SPATC1L: variants seen among roughly 807,000 people sequenced by gnomAD.
The protein encoded by SPATC1L is speriolin-like protein.
A neutral mutation model predicts 21.2 loss-of-function variants in SPATC1L; 20 were observed. The observed-to-expected ratio is 0.94, with a 90% CI of 0.66 to 1.37. The LOEUF (loss-of-function observed/expected upper bound fraction) is 1.37, where lower values mean the gene tolerates loss of function less well. Among genes scored for constraint, SPATC1L ranks in the 40% most tolerant of loss-of-function variants. The pLI is 0.00. For synonymous variants in SPATC1L, 290 were observed against 234.5 expected (o/e 1.24, Z -2.16); for missense variants, 499 against 478.7 (o/e 1.04, Z -0.40).
Position 46,161,420 on chromosome 21 carries a change from C to T in SPATC1L, c.982G>A (p.Glu328Lys), listed in dbSNP as rs768869313. Residue 328 changes from glutamate (E) to lysine (K), a missense_variant, in exon 5 of 5, where the codon GAG becomes AAG. Glu to Lys is a moderately conservative substitution (Grantham distance 56, BLOSUM62 1). Transcript: ENST00000291672. ...DSLLLLNCLC[E>K]LSKEDGKPLF... ...GGCTTGCCGTCCTCCTTGGAGAGCTCGCACAGGCAGTTGAGCAGCAGCAGC... is the reference window on the plus strand; with the variant it reads ...GGCTTGCCGTCCTCCTTGGAGAGCTTGCACAGGCAGTTGAGCAGCAGCAGC... 1 of 1,562,290 alleles carries T rather than the reference C, an allele frequency of 6.4e-7. No homozygotes were observed. Among genetic ancestry groups the T allele is most frequent in the Non-Finnish European group, 8.7e-7 (1 of 1,155,628 alleles).
intron 2 of SPATC1L, among the ~76,000 whole-genome samples, chr21:46,171,939 GAAAAA>G (rs66628257): frequency 4.4e-5 from 3 of 67,806 alleles, no homozygotes; most frequent in African/African-American, 5.6e-5. Context: ...ATAACCCCCA[GAAAAA>G]AAAAAAAAAA....
Position 46,182,653 on chromosome 21 carries a change from T to G in SPATC1L, c.164A>C (p.Tyr55Ser). 1 of 1,534,562 alleles carries G rather than the reference T, an allele frequency of 6.5e-7. No homozygotes were observed. The highest frequency in any genetic ancestry group is 1.2e-5 in the South Asian group (1 of 83,262). The change falls in exon 2 of 5, where the codon TAC (tyrosine) becomes TCC (serine). Residue 55 changes from tyrosine (Y) to serine (S), a missense_variant. Tyr to Ser is a moderately radical substitution (Grantham distance 144). Coordinates refer to ENST00000291672, the MANE Select transcript of SPATC1L (RefSeq NM_001142854.2). ...GCTCCCGGGGGAGCCGGCCTCAGGG[T>G]AGGCATGCGCCCTGGGTGGGAGCAG... ...HDLLPPRAHA[Y>S]PEAGSPGSGV...
rs76486812 is a variant in SPATC1L at position 46,162,047 on chromosome 21, C to A, written c.565G>T (p.Ala189Ser). ...YLNEIQSFAG[A>S]EKDARVVGEI... ...CCCACCACGCGCGCGTCCTTCTCGG[C>A]GCCCGCGAAGCTCTGGATCTCTGGG... The change falls in exon 4 of 5, where the codon GCC becomes TCC. Residue 189 changes from alanine to serine, a missense_variant. Transcript: ENST00000291672. 1.7e-3 allele frequency: 2,630 copies of A among 1,581,802 alleles called. 48 individuals carry two copies. In the African/African-American group the frequency reaches 0.032, roughly 19 times the overall value.
Position 46,161,463 on chromosome 21 carries a change from G to A in SPATC1L, c.939C>T (p.Pro313=), listed in dbSNP as rs2079487476. The A allele has an allele frequency of 6.3e-7, 1 of 1,595,264 alleles. No individual in the cohort carries two copies. The highest frequency in any genetic ancestry group is 1.3e-5 in the African/African-American group (1 of 74,566). ...GCAGCAGCGAGTCGCCCAGGAACTT[G>A]GGGGGCACCACGTCGATGACCAGCT... The part of the protein sequence containing the change: ...LRKLVIDVVP[P]KFLGDSLLLL... The change falls in exon 5 of 5, where the codon CCC becomes CCT. Residue 313 remains proline (P), a synonymous_variant. Transcript: ENST00000291672.
At chr21:46,162,163 C>G in intron 3 of SPATC1L, 96 bp from the exon 4 acceptor site, 2 of 1,329,174 alleles carry the variant, frequency 1.5e-6, no homozygotes, top group South Asian at 2.9e-5. Flanking sequence ...CTCCTCCACC[C>G]CCCTCCTCCC....
At chr21:46,162,858 A>G (rs2079512793) in intron 3 of SPATC1L, among the ~76,000 whole-genome samples, 1 of 152,122 alleles carries the variant, frequency 6.6e-6, no homozygotes, top group Non-Finnish European at 1.5e-5. Flanking sequence ...TAGTGCTGGG[A>G]TTACAGGCGT....
In SPATC1L at chr21:46,161,275, G is replaced by T; in HGVS notation, c.*104C>A. 8.6e-7 allele frequency: 1 copy of T among 1,157,166 alleles called. No homozygotes were observed. The highest frequency in any genetic ancestry group is 1.8e-5 in the South Asian group (1 of 55,784). The allele number at this position is 1,157,166 out of a possible 1,614,324, so 71.7% of individuals were successfully genotyped here. ...GGGGCCTTCTCTGGCCTCGCGCGCG[G>T]GGGACGCGGCCCTTTCCCCTCCGGG... On this transcript the variant is annotated 3_prime_UTR_variant, in exon 5 of 5. Transcript: ENST00000291672.
chr21:46,164,155 GC>G (rs2079523220), intron 3 of SPATC1L, among the ~76,000 whole-genome samples: 1 of 152,076 alleles, frequency 6.6e-6, no homozygotes, highest in African/African-American at 2.4e-5. Context: ...CTACAGGCAT[GC>G]ACCACCACGA....
Position 46,161,583 on chromosome 21 carries a change from C to T in SPATC1L, c.819G>A (p.Ala273=), listed in dbSNP as rs149391568. ...AGGTGTTGATGAGGAACTCGCTGAACGCCGGGTGCACGTCGCGGCTGTAGC... is the reference window on the plus strand; with the variant it reads ...AGGTGTTGATGAGGAACTCGCTGAATGCCGGGTGCACGTCGCGGCTGTAGC... The part of the protein sequence containing the change: ...KLGYSRDVHP[A]FSEFLINTYG... The change falls in exon 5 of 5, where the codon GCG becomes GCA. Residue 273 remains alanine, a synonymous_variant. Coordinates refer to ENST00000291672, the MANE Select transcript of SPATC1L (RefSeq NM_001142854.2). 1.1e-4 allele frequency: 175 copies of T among 1,610,414 alleles called. No homozygotes were observed. In the African/African-American group the frequency reaches 1.5e-3, roughly 14 times the overall value.
chr21:46,171,937 CAGAAAAAAAAAAAAAA>C (rs1222172997), intron 2 of SPATC1L, among the ~76,000 whole-genome samples: 1 of 90,436 alleles, frequency 1.1e-5, no homozygotes, highest in Non-Finnish European at 2.3e-5. Context: ...AGATAACCCC[CAGAAAAAAAAAAAAAA>C]AAAAAAAAAC....
chr21:46,162,124 G>A (rs1467146281), intron 3 of SPATC1L, 57 bp from the exon 4 acceptor site: 1 of 1,489,784 alleles, frequency 6.7e-7, no homozygotes, highest in Non-Finnish European at 9.0e-7. Context: ...CACTGCCCTC[G>A]AGGGTGCCCT....
intron 2 of SPATC1L, among the ~76,000 whole-genome samples, chr21:46,171,107 G>A (rs963730283): frequency 7.2e-5 from 11 of 152,236 alleles, no homozygotes; most frequent in Admixed American, 2.0e-4. Flanking sequence ...TCCACACCAA[G>A]GGGGAGGGTC....
At chr21:46,161,795 C>G in intron 4 of SPATC1L, 90 bp from the exon 5 acceptor site, 1 of 1,492,294 alleles carries the variant, frequency 6.7e-7, no homozygotes, top group Non-Finnish European at 8.9e-7. Flanking sequence ...CCCCGCCCGC[C>G]TGGGTCCCCG....
At chr21:46,165,828 G>A (rs752087378) in intron 3 of SPATC1L, among the ~76,000 whole-genome samples, 8 of 152,208 alleles carry the variant, frequency 5.3e-5, no homozygotes, top group Admixed American at 6.5e-5. Flanking sequence ...AACCTTTATC[G>A]AATTATTTGT....
chr21:46,169,091 T>C (rs984817160), intron 2 of SPATC1L, among the ~76,000 whole-genome samples: 1 of 152,278 alleles, frequency 6.6e-6, no homozygotes, highest in African/African-American at 2.4e-5. Flanking sequence ...GCTACCTGGT[T>C]CATTTAACTG....
chr21:46,172,984 G>A lies in SPATC1L; in HGVS notation c.194-4326C>T, dbSNP rs540544540. On this transcript the variant is annotated intron_variant, in intron 2 of 4. Coordinates refer to ENST00000291672, the MANE Select transcript of SPATC1L (RefSeq NM_001142854.2). ...GAACCCCAGCTGGGGGAGACCCCTTGCCCACCATGGACACTCTAGTTGGCA... is the reference window on the plus strand; with the variant it reads ...GAACCCCAGCTGGGGGAGACCCCTTACCCACCATGGACACTCTAGTTGGCA... 5.5e-3 allele frequency among the ~76,000 whole-genome samples: 844 copies of A among 152,300 alleles called. 8 individuals are homozygous for A. Among genetic ancestry groups the A allele is most frequent in the Middle Eastern group, 0.024 (7 of 294 alleles).
intron 3 of SPATC1L, 60 bp downstream of exon 3, chr21:46,168,248 T>C: frequency 8.1e-7 from 1 of 1,238,284 alleles, no homozygotes; most frequent in Non-Finnish European, 1.1e-6. Flanking sequence ...AGTCATGCCC[T>C]CCCCACAGCT....
At position 46,183,037 on chromosome 21, in the gene SPATC1L, G is replaced by A. The variant is rs2079688721; in HGVS notation, c.-221C>T. 9.5e-6 allele frequency: 5 copies of A among 525,310 alleles called. No individual in the cohort carries two copies. The highest frequency in any genetic ancestry group is 3.1e-5 in the South Asian group (1 of 32,286). 32.5% of individuals were successfully genotyped at this position (525,310 alleles called of 1,614,324 possible). A position where few individuals can be genotyped will look rare whatever the true frequency, so the allele number is the denominator to read the frequency against. On this transcript the variant is annotated 5_prime_UTR_variant, in exon 2 of 5. The change creates a new upstream start codon in the 5' untranslated region. Transcript: ENST00000291672. ...GTTGAGGCAGTGAAGCTGGAGGCCC[G>A]TGGCGTGCACAGGCAGCCACTCCCA...
chr21:46,177,079 G>A (rs1366949824), intron 2 of SPATC1L, among the ~76,000 whole-genome samples: 1 of 152,126 alleles, frequency 6.6e-6, no homozygotes, highest in African/African-American at 2.4e-5. Context: ...GACTGAAATT[G>A]GACCCTTTCC....
Sources: gnomAD v4.1 joint callset for allele counts (sites outside exome capture counted in the v4.1 genomes callset) on GRCh38, gnomAD v4.1.1 for gene constraint, MANE v1.5 for transcripts, NCBI Gene and HGNC (gene_info 2026-07-23, HGNC 2026-07-21) for gene names.